MYO18A: variants seen among roughly 807,000 people sequenced by gnomAD.
MYO18A encodes unconventional myosin-XVIIIa.
A neutral mutation model predicts 235.8 loss-of-function variants in MYO18A; 78 were observed. The observed-to-expected ratio is 0.33, with a 90% CI of 0.28 to 0.40. The LOEUF (loss-of-function observed/expected upper bound fraction) is 0.40, where lower values mean the gene tolerates loss of function less well. Ranked by LOEUF, MYO18A falls within the 10% of genes least tolerant of loss-of-function variation. The pLI, the probability that MYO18A is intolerant of heterozygous loss-of-function variation, is 1.00. For synonymous variants in MYO18A, 977 were observed against 1,077.8 expected, an observed-to-expected ratio of 0.91 and a Z score of 1.83; for missense variants, 2,215 against 2,699.3, an observed-to-expected ratio of 0.82 and a Z score of 3.98.
intron 2 of MYO18A, among the ~76,000 whole-genome samples, chr17:29,130,474 C>A (rs3221692): frequency 1.0e-3 from 146 of 142,234 alleles, no homozygotes; most frequent in Admixed American, 1.9e-3. Flanking sequence ...GAGGCCTCTC[C>A]CACACACACA....
intron 26 of MYO18A, 101 bp downstream of exon 26, chr17:29,097,687 T>C: frequency 1.5e-5 from 15 of 1,009,140 alleles, no homozygotes; most frequent in South Asian, 3.1e-5. Flanking sequence ...TTTAGCCCCA[T>C]GGAGGGGAGA....
At chr17:29,162,459 A>C (rs2068194223) in intron 2 of MYO18A, among the ~76,000 whole-genome samples, 1 of 152,124 alleles carries the variant, frequency 6.6e-6, no homozygotes, top group South Asian at 2.1e-4. Context: ...TGTGTTTGTG[A>C]CAGTGTTTCC....
rs377682900 is a variant in MYO18A, at chr17:29,090,914, G to C, written c.5200C>G (p.Leu1734Val). 1 of 1,613,896 alleles carries C rather than the reference G, an allele frequency of 6.2e-7. No individual in the cohort carries two copies. Among genetic ancestry groups the C allele is most frequent in the East Asian group, 2.2e-5 (1 of 44,886 alleles). Residue 1734 changes from leucine to valine, a missense_variant, in exon 35 of 42, where the codon CTG becomes GTG. Coordinates refer to ENST00000527372, the MANE Select transcript of MYO18A (RefSeq NM_078471.4). The stretch of plus-strand genomic sequence containing the variant: ...TTCTTCTCACGCTGAAGGCGGCTCA[G>C]CTGCTCCTCCAGCTGGAGAGAGGCA... The part of the protein sequence containing the change: ...AKAKTALEEQ[L>V]SRLQREKNEI...
chr17:29,074,688 C>T lies in MYO18A; in HGVS notation c.*82G>A. 1.3e-6 allele frequency: 2 copies of T among 1,487,216 alleles called. No individual in the cohort carries two copies. The highest frequency in any genetic ancestry group is 1.9e-6 in the Non-Finnish European group (2 of 1,072,014). 92.1% of individuals were successfully genotyped at this position (1,487,216 alleles called of 1,614,324 possible). A position where few individuals can be genotyped will look rare whatever the true frequency, so the allele number is the denominator to read the frequency against. On this transcript the variant is annotated 3_prime_UTR_variant, in exon 42 of 42. Coordinates refer to ENST00000527372, the MANE Select transcript of MYO18A (RefSeq NM_078471.4). The surrounding 1 kb of genome is among the most constrained non-coding windows in gnomAD (Gnocchi z 4.4). Reference sequence around the variant, plus strand: ...CAGATCAGCAGTCGGGTGGGGGAGACCGGTGCCCCACCACTTCCTGGGAGA... The same window carrying T: ...CAGATCAGCAGTCGGGTGGGGGAGATCGGTGCCCCACCACTTCCTGGGAGA...
At chr17:29,083,741 C>T (rs926427691) in intron 40 of MYO18A, among the ~76,000 whole-genome samples, 3 of 152,130 alleles carry the variant, frequency 2.0e-5, no homozygotes, top group East Asian at 1.9e-4. Context: ...GCCCTGTGCC[C>T]GTCCGAGCCT....
chr17:29,164,535 C>T (rs59730885), intron 2 of MYO18A, among the ~76,000 whole-genome samples: 3,007 of 152,212 alleles, frequency 0.02, 88 homozygotes, highest in African/African-American at 0.069. Flanking sequence ...AAGCTGGGAC[C>T]GGGACTCTGC....
chr17:29,146,144 G>C (rs2067844050), intron 2 of MYO18A, among the ~76,000 whole-genome samples: 1 of 152,214 alleles, frequency 6.6e-6, no homozygotes, highest in Non-Finnish European at 1.5e-5. Flanking sequence ...TGTAATCCCA[G>C]CTACTCAGGA....
Position 29,093,376 on chromosome 17 carries a change from C to A in MYO18A, c.4873G>T (p.Val1625Phe), listed in dbSNP as rs2066446826. ...TCCAGCTCCCGCTTCTCTCGCAGAACCTTCTGCTTGTCCTCATACTCTTCC... is the reference window on the plus strand; with the variant it reads ...TCCAGCTCCCGCTTCTCTCGCAGAAACTTCTGCTTGTCCTCATACTCTTCC... ...LEEEYEDKQK[V>F]LREKRELEGK... The change falls in exon 32 of 42, where the codon GTT becomes TTT. Residue 1625 changes from valine (V) to phenylalanine (F), a missense_variant. Transcript: ENST00000527372. The A allele has an allele frequency of 6.2e-7, 1 of 1,612,716 alleles. No individual in the cohort carries two copies. Among genetic ancestry groups the A allele is most frequent in the Non-Finnish European group, 8.5e-7 (1 of 1,179,836 alleles).
intron 21 of MYO18A, among the ~76,000 whole-genome samples, chr17:29,103,342 G>T (rs1253825398): frequency 2.0e-5 from 3 of 152,250 alleles, no homozygotes; most frequent in Admixed American, 6.5e-5. Flanking sequence ...CATCACAGAG[G>T]TGTTCCACTG....
At chr17:29,076,048 G>A (rs866968416) in intron 41 of MYO18A, 3 of 158,402 alleles carry the variant, frequency 1.9e-5, no homozygotes, top group African/African-American at 7.2e-5. Context: ...TCAGCGTTCT[G>A]CGGCAAGAAC....
chr17:29,121,318 G>GC lies in MYO18A; in HGVS notation c.1372-108dup, dbSNP rs2067194482. On this transcript the variant is annotated intron_variant, in intron 5 of 41. Transcript: ENST00000527372. This position sits in a 1 kb window ranked among gnomAD's most constrained non-coding sequence, Gnocchi z 4.2. ...CTTTCTGGATTTTCCCTCCTGTAGT[G>GC]CCCAGGGATTCCAAGGCCAAGGCCA... 14 of 1,307,382 alleles carry GC rather than the reference G, an allele frequency of 1.1e-5. No individual in the cohort carries two copies. The highest frequency in any genetic ancestry group is 1.5e-5 in the Non-Finnish European group (14 of 946,572). The allele number at this position is 1,307,382 out of a possible 1,614,324, so 81.0% of individuals were successfully genotyped here.
Position 29,110,597 on chromosome 17 carries a change from C to T in MYO18A, c.2926G>A (p.Gly976Ser). ...AGCACCGTGGCACTGCCTGCGCGGC[C>T]CAGAAACAGGTTGCTGATGATTTTT... ...QKKIISNLFL[G>S]RAGSATVLSG... is the part of the protein sequence containing the mutation. The change falls in exon 18 of 42, where the codon GGC (glycine) becomes AGC (serine). Residue 976 changes from glycine (G) to serine (S), a missense_variant. By Grantham distance (56) the Gly-to-Ser change is moderately conservative (BLOSUM62 0). Coordinates refer to ENST00000527372, the MANE Select transcript of MYO18A (RefSeq NM_078471.4). 8 of 1,605,574 alleles carry T rather than the reference C, an allele frequency of 5.0e-6. No individual in the cohort carries two copies. Among genetic ancestry groups the T allele is most frequent in the Non-Finnish European group, 6.8e-6 (8 of 1,174,042 alleles).
intron 21 of MYO18A, among the ~76,000 whole-genome samples, chr17:29,102,047 T>G (rs1430920068): frequency 2.0e-5 from 3 of 152,168 alleles, no homozygotes; most frequent in Non-Finnish European, 4.4e-5. Context: ...TGAGTCAGTG[T>G]TAACCAGAGC....
At position 29,122,170 on chromosome 17, in the gene MYO18A, T is replaced by A; in HGVS notation, c.1083A>T (p.Ser361=). 1 of 1,612,020 alleles carries A rather than the reference T, an allele frequency of 6.2e-7. No homozygotes were observed. Among genetic ancestry groups the A allele is most frequent in the Non-Finnish European group, 8.5e-7 (1 of 1,179,128 alleles). ...CCCAGACCCTCTGAGACTCACCCAG[T>A]GAGAAGCCGTCCCTATGGACCAGCC... The part of the protein sequence containing the change: ...KVWLVHRDGF[S]LASQLKSEEL... Residue 361 remains serine, a synonymous_variant, in exon 3 of 42, where the codon TCA becomes TCT. Transcript: ENST00000527372.
In MYO18A at chr17:29,180,027, C is replaced by T. The variant is rs1037108870; in HGVS notation, c.-82+286G>A. 5.9e-5 allele frequency among the ~76,000 whole-genome samples: 9 copies of T among 151,904 alleles called. No homozygotes were observed. Among genetic ancestry groups the T allele is most frequent in the African/African-American group, 1.7e-4 (7 of 41,384 alleles). On this transcript the variant is annotated intron_variant, in intron 1 of 41. Transcript: ENST00000527372. This position sits in a 1 kb window ranked among gnomAD's most constrained non-coding sequence, Gnocchi z 6.1. ...GCCCCAAATCCCCCCACACTGAAGG[C>T]CACCCTGTCCTGCCTCCCTGCGCCC...
At chr17:29,154,569 G>A (rs192799844) in intron 2 of MYO18A, among the ~76,000 whole-genome samples, 2 of 152,332 alleles carry the variant, frequency 1.3e-5, no homozygotes, top group East Asian at 3.9e-4. Flanking sequence ...GGCTTCTCAG[G>A]CAGGGGGCCC....
Position 29,094,763 on chromosome 17 carries a change from C to T in MYO18A, c.4597G>A (p.Asp1533Asn). The T allele has an allele frequency of 6.2e-7, 1 of 1,614,080 alleles. No individual in the cohort carries two copies. The highest frequency in any genetic ancestry group is 1.6e-4 in the Middle Eastern group (1 of 6,062). Residue 1533 changes from aspartate (D) to asparagine (N), a missense_variant, in exon 30 of 42, where the codon GAT becomes AAT. Asp to Asn is a conservative substitution (Grantham distance 23). Coordinates refer to ENST00000527372, the MANE Select transcript of MYO18A (RefSeq NM_078471.4). ...LQDISSQESK[D>N]EASLAKVKKQ... is the part of the protein sequence containing the mutation. ...TTGACCTTGGCCAGAGAAGCCTCAT[C>T]CTTGGACTCTTGGGAAGAAATGTCC... is the stretch of plus-strand genomic sequence containing the variant.
chr17:29,091,750 T>G (rs889715283), intron 34 of MYO18A: 9 of 445,304 alleles, frequency 2.0e-5, no homozygotes, highest in Admixed American at 1.2e-4. Context: ...CCCAGCCTCC[T>G]CCCCTGCCCC....
Position 29,120,744 on chromosome 17 carries a change from C to A in MYO18A, c.1600G>T (p.Ala534Ser). ...NKVFSVEKWQ[A>S]LYTLLEAFGN... ...AAGGCTTCCAGGAGGGTGTACAGAG[C>A]CTGCCACTTCTCCACTGCAGAATAC... The change falls in exon 7 of 42, where the codon GCT (alanine) becomes TCT (serine). Residue 534 changes from alanine to serine, a missense_variant. By Grantham distance (99) the Ala-to-Ser change is moderately conservative. Transcript: ENST00000527372. The surrounding 1 kb of genome is among the most constrained non-coding windows in gnomAD (Gnocchi z 4.2). 3 of 1,613,394 alleles carry A rather than the reference C, an allele frequency of 1.9e-6. No individual in the cohort carries two copies. The highest frequency in any genetic ancestry group is 2.5e-6 in the Non-Finnish European group (3 of 1,179,598).
Sources: allele counts gnomAD v4.1 joint callset (sites outside exome capture counted in the v4.1 genomes callset), GRCh38; gene constraint gnomAD v4.1.1; non-coding constraint Gnocchi (gnomAD v3.1); transcripts MANE v1.5; gene names NCBI Gene and HGNC (gene_info 2026-07-23, HGNC 2026-07-21).